FANCI: variants seen among roughly 807,000 people sequenced by gnomAD.
FANCI encodes Fanconi anemia group I protein.
Under a neutral mutation model 176.1 loss-of-function variants are expected in FANCI, and 156 were observed. The ratio of observed to expected loss-of-function variants is 0.89; its 90% CI spans 0.78 to 1.01. FANCI has a LOEUF of 1.01. FANCI is among the 50% of genes least tolerant of loss of function. FANCI has a pLI of 0.00. For synonymous variants in FANCI, 613 were observed against 541.7 expected (o/e 1.13, Z -1.83); for missense variants, 1,678 against 1,534.1 (o/e 1.09, Z -1.57).
At chr15:89,282,946 A>C in intron 16 of FANCI, 190 bp from the exon 17 acceptor site, 1 of 618,760 alleles carries the variant, frequency 1.6e-6, no homozygotes, top group Non-Finnish European at 2.9e-6. Context: ...AAGTCAGTTG[A>C]ATTTCTGTAC....
At position 89,307,465 on chromosome 15, in the gene FANCI, T is replaced by C; in HGVS notation, c.3538-11T>C. 6.2e-7 allele frequency: 1 copy of C among 1,613,216 alleles called. No individual in the cohort carries two copies. Among genetic ancestry groups the C allele is most frequent in the Admixed American group, 1.7e-5 (1 of 59,972 alleles). ...GACAGTCTACTAAATCTAGGAATCT[T>C]TTTTTATTAGTATCTCCAGGTGTGT... is the stretch of plus-strand genomic sequence containing the variant. On this transcript the variant is annotated splice_polypyrimidine_tract_variant and intron_variant, in intron 32 of 37. Coordinates refer to ENST00000310775, the MANE Select transcript of FANCI (RefSeq NM_001113378.2).
chr15:89,254,682 G>A (rs779055242), intron 2 of FANCI, among the ~76,000 whole-genome samples: 9 of 152,120 alleles, frequency 5.9e-5, no homozygotes, highest in Non-Finnish European at 1.3e-4. Flanking sequence ...ATCAGCACAC[G>A]CTTGTATTCC....
intron 16 of FANCI, 36 bp downstream of exon 16, chr15:89,281,871 G>A: frequency 1.3e-6 from 2 of 1,585,294 alleles, no homozygotes; most frequent in Non-Finnish European, 1.7e-6. Flanking sequence ...GGAAGACGTT[G>A]TCTTCTAATG....
intron 22 of FANCI, among the ~76,000 whole-genome samples, chr15:89,293,271 C>G (rs969835890): frequency 6.6e-6 from 1 of 152,126 alleles, no homozygotes; most frequent in African/African-American, 2.4e-5. Flanking sequence ...TGAAAGCCTT[C>G]CAGCAGGGTT....
In FANCI at chr15:89,299,931, A is replaced by G. The variant is rs200907824; in HGVS notation, c.2768A>G (p.Tyr923Cys). 9.2e-5 allele frequency: 148 copies of G among 1,614,128 alleles called. 1 individual carries two copies. Among genetic ancestry groups the G allele is most frequent in the South Asian group, 3.7e-4 (34 of 91,070 alleles). ...ATATTCAGTGCTGTGCAACAGTTCT[A>G]TCAGCCCAAGATTCAGCAGTTTCTC... is the stretch of plus-strand genomic sequence containing the variant. Reference protein sequence around the residue: ...QKIFSAVQQFYQPKIQQFLRA... With the variant: ...QKIFSAVQQFCQPKIQQFLRA... Residue 923 changes from tyrosine (Y) to cysteine (C), a missense_variant, in exon 25 of 38, where the codon TAT becomes TGT. Coordinates refer to ENST00000310775, the MANE Select transcript of FANCI (RefSeq NM_001113378.2).
At chr15:89,305,320 C>T in intron 29 of FANCI, 21 bp from the exon 30 acceptor site, 1 of 1,614,192 alleles carries the variant, frequency 6.2e-7, no homozygotes, top group Non-Finnish European at 8.5e-7. Flanking sequence ...CATTAGGTCT[C>T]ACCTCTCTTC....
At chr15:89,258,673 C>G (rs2052596824) in intron 2 of FANCI, 31 bp from the exon 3 acceptor site, 1 of 1,560,504 alleles carries the variant, frequency 6.4e-7, no homozygotes, top group Non-Finnish European at 8.8e-7. Context: ...AGACTGTTGC[C>G]AGAGACTTGT....
intron 2 of FANCI, among the ~76,000 whole-genome samples, chr15:89,248,138 A>G (rs1383509757): frequency 6.6e-6 from 1 of 152,216 alleles, no homozygotes; most frequent in Non-Finnish European, 1.5e-5. Context: ...TATAAGCGGC[A>G]AAATATTTTG....
chr15:89,309,557 C>T (rs2054873319), intron 34 of FANCI, among the ~76,000 whole-genome samples: 3 of 152,020 alleles, frequency 2.0e-5, no homozygotes, highest in South Asian at 4.2e-4. Flanking sequence ...TAGTGAGACC[C>T]CGTCTCTACA....
intron 18 of FANCI, among the ~76,000 whole-genome samples, chr15:89,288,083 A>C (rs2053894311): frequency 6.6e-6 from 1 of 152,186 alleles, no homozygotes; most frequent in Non-Finnish European, 1.5e-5. Context: ...TTTAATTTGT[A>C]AACGTAATAT....
At chr15:89,259,579 A>G (rs1470870246) in intron 3 of FANCI, among the ~76,000 whole-genome samples, 1 of 152,212 alleles carries the variant, frequency 6.6e-6, no homozygotes, top group Non-Finnish European at 1.5e-5. Flanking sequence ...TGTATCCATT[A>G]CCACAATTGA....
At chr15:89,261,167 A>G (rs1467937989) in intron 4 of FANCI, among the ~76,000 whole-genome samples, 2 of 152,142 alleles carry the variant, frequency 1.3e-5, no homozygotes, top group African/African-American at 4.8e-5. Flanking sequence ...GCTACTTGGG[A>G]GGCTGAGGCA....
chr15:89,264,488 T>C (rs377285945), intron 8 of FANCI, 34 bp from the exon 9 acceptor site: 48 of 1,576,040 alleles, frequency 3.0e-5, no homozygotes, highest in South Asian at 5.5e-5. Context: ...TTGCTGTTAA[T>C]TGGGAGACCT....
chr15:89,305,705 T>G lies in FANCI; in HGVS notation c.3349+7T>G. On this transcript the variant is annotated splice_region_variant and intron_variant, in intron 31 of 37. Transcript: ENST00000310775. ...AGCCAAGAAACCTTATCAGGTAAGA[T>G]AAGTTCAACTGGGATTCCAGGAATT... 1 of 1,613,342 alleles carries G rather than the reference T, an allele frequency of 6.2e-7. No individual in the cohort carries two copies. Among genetic ancestry groups the G allele is most frequent in the Non-Finnish European group, 8.5e-7 (1 of 1,179,220 alleles).
At chr15:89,293,197 T>A in intron 22 of FANCI, 134 bp downstream of exon 22, 1 of 950,066 alleles carries the variant, frequency 1.1e-6, no homozygotes, top group Non-Finnish European at 1.6e-6. Context: ...GCACCTAGTC[T>A]AAGACTAAAC....
In FANCI at chr15:89,264,520, A is replaced by G; in HGVS notation, c.670-2A>G. The G allele has an allele frequency of 1.9e-6, 3 of 1,613,416 alleles. No individual in the cohort carries two copies. The highest frequency in any genetic ancestry group is 2.5e-6 in the Non-Finnish European group (3 of 1,179,506). ...ACCTTACCAATTTTGTATTGTTTTC[A>G]GGGAAGCAGAAAGAGTGTTTTGGAA... is the stretch of plus-strand genomic sequence containing the variant. On this transcript the variant is annotated splice_acceptor_variant, in intron 8 of 37. Transcript: ENST00000310775. LOFTEE classifies it high-confidence loss of function.
rs1205177273 is a variant in FANCI at position 89,268,871 on chromosome 15, C to T, written c.882+346C>T. On this transcript the variant is annotated intron_variant, in intron 10 of 37. Coordinates refer to ENST00000310775, the MANE Select transcript of FANCI (RefSeq NM_001113378.2). ...TTCTAAGTAGATTATGTGTCACTGT[C>T]TTATGTGACCTTCAGCTATGGCCTC... Among the ~76,000 whole-genome samples, 5 of 152,186 alleles carry T rather than the reference C, an allele frequency of 3.3e-5. No homozygotes were observed. The East Asian group carries it at 7.7e-4, about 23-fold the overall frequency.
chr15:89,317,110 G>T lies in FANCI; in HGVS notation c.*651G>T. The T allele has an allele frequency of 1.7e-6, 1 of 592,974 alleles. No individual in the cohort carries two copies. The highest frequency in any genetic ancestry group is 3.0e-6 in the Non-Finnish European group (1 of 335,108). The allele number at this position is 592,974 out of a possible 1,614,324, so 36.7% of individuals were successfully genotyped here. On this transcript the variant is annotated 3_prime_UTR_variant, in exon 38 of 38. Coordinates refer to ENST00000310775, the MANE Select transcript of FANCI (RefSeq NM_001113378.2). Reference sequence around the variant, plus strand: ...ATAGAGTGCAAGAATGCACTCTATAGAATAAATTATCTTTAAACATTTCTT... The same window carrying T: ...ATAGAGTGCAAGAATGCACTCTATATAATAAATTATCTTTAAACATTTCTT...
intron 2 of FANCI, among the ~76,000 whole-genome samples, chr15:89,251,732 C>T (rs1441860884): frequency 6.6e-6 from 1 of 152,102 alleles, no homozygotes; most frequent in Non-Finnish European, 1.5e-5. Context: ...AAAGATTATA[C>T]GATTATCTTC....
Sources: allele counts gnomAD v4.1 joint callset (sites outside exome capture counted in the v4.1 genomes callset), GRCh38; gene constraint gnomAD v4.1.1; transcripts MANE v1.5; gene names NCBI Gene and HGNC (gene_info 2026-07-23, HGNC 2026-07-21).